TRIM43B: variants seen among roughly 807,000 people sequenced by gnomAD.
TRIM43B encodes the protein tripartite motif containing 43B.
TRIM43B carries 15 observed loss-of-function variants against 27.0 expected under a neutral mutation model. The observed-to-expected ratio is 0.55, with a 90% CI of 0.37 to 0.85. The LOEUF (loss-of-function observed/expected upper bound fraction) is 0.85. Ranked by LOEUF, TRIM43B falls within the 40% of genes least tolerant of loss-of-function variation. The pLI, the probability that TRIM43B is intolerant of heterozygous loss-of-function variation, is 0.00. For missense variants in TRIM43B, 172 were observed against 289.8 expected (o/e 0.59, Z 2.95); for synonymous variants, 69 against 97.8 (o/e 0.71, Z 1.74).
At chr2:95,484,203 T>C (rs1317908395) in intron 1 of TRIM43B, among the ~76,000 whole-genome samples, 1 of 151,524 alleles carries the variant, frequency 6.6e-6, no homozygotes, top group Non-Finnish European at 1.5e-5. Context: ...ACCCCGTCTC[T>C]ACTAAAAAAA....
At chr2:95,482,929 TGAC>T (rs1683562188) in intron 1 of TRIM43B, among the ~76,000 whole-genome samples, 2 of 152,120 alleles carry the variant, frequency 1.3e-5, no homozygotes, top group African/African-American at 4.8e-5. Flanking sequence ...AATCAACACA[TGAC>T]CAGCTTTCCA....
intron 4 of TRIM43B, 120 bp downstream of exon 4, chr2:95,480,185 G>C: frequency 7.0e-7 from 1 of 1,423,742 alleles, no homozygotes; most frequent in Non-Finnish European, 9.3e-7. Flanking sequence ...ATAACCGGTG[G>C]GAATGACTCT....
intron 2 of TRIM43B, among the ~76,000 whole-genome samples, 187 bp from the exon 3 acceptor site, chr2:95,481,877 GA>G (rs1683533519): frequency 6.6e-6 from 1 of 151,966 alleles, no homozygotes; most frequent in African/African-American, 2.4e-5. Context: ...ACAGTTTAGG[GA>G]ACTGAAGAGT....
intron 1 of TRIM43B, among the ~76,000 whole-genome samples, chr2:95,483,979 C>A (rs1444929192): frequency 6.6e-6 from 1 of 150,376 alleles, no homozygotes; most frequent in Non-Finnish European, 1.5e-5. Flanking sequence ...GAGGCCAAGT[C>A]AGGCAGGTAT....
intron 1 of TRIM43B, among the ~76,000 whole-genome samples, chr2:95,483,371 TC>T (rs1683572868): frequency 1.3e-5 from 2 of 152,164 alleles, no homozygotes; most frequent in African/African-American, 4.8e-5. Flanking sequence ...TGTTTCCTGT[TC>T]CTGGACAGTC....
Position 95,481,717 on chromosome 2 carries a change from A to G in TRIM43B, c.412-27T>C, listed in dbSNP as rs1305858708. On this transcript the variant is annotated intron_variant, in intron 2 of 6. Coordinates refer to ENST00000639673, the Ensembl canonical transcript of TRIM43B. ...TGCAAAAGAATTAAAGGTTGAACAG[A>G]AAGTCAAATACCAAAGATTCCACCA... 3.1e-6 allele frequency: 5 copies of G among 1,603,508 alleles called. 1 individual carries two copies. The South Asian group carries it at 3.4e-5, about 11-fold the overall frequency.
intron 2 of TRIM43B, 117 bp from the exon 3 acceptor site, chr2:95,481,807 A>G (rs1558814038): frequency 1.0e-6 from 1 of 957,074 alleles, no homozygotes; most frequent in African/African-American, 1.7e-5. Flanking sequence ...AGAAAAAAAC[A>G]AAATTTTTCA....
chr2:95,483,027 A>G (rs1297574054), intron 1 of TRIM43B, among the ~76,000 whole-genome samples: 1 of 152,098 alleles, frequency 6.6e-6, no homozygotes, highest in Non-Finnish European at 1.5e-5. Context: ...GGGTTTCATC[A>G]ACCTGTAAAC....
exon 4 of TRIM43B, chr2:95,480,487 G>A: frequency 6.2e-7 from 1 of 1,607,212 alleles, no homozygotes; most frequent in South Asian, 1.1e-5. Flanking sequence ...ACCGGATGCA[G>A]CTTCCTATAC....
Position 95,482,673 on chromosome 2 carries a change from G to C in TRIM43B, c.42C>G (p.Thr14=), listed in dbSNP as rs191840560. 0.029 allele frequency: 46,104 copies of C among 1,613,772 alleles called. 1,014 individuals are homozygous for C. The highest frequency in any genetic ancestry group is 0.033 in the Non-Finnish European group (39,239 of 1,179,900). The stretch of plus-strand genomic sequence containing the variant: ...CCAGGTAGTTCAAACAGATGACACA[G>C]GTGAGTTCCTTCTGGAAGGCATGTG... Residue 14 remains threonine (T), a synonymous_variant, in exon 2 of 7, where the codon ACC becomes ACG. Coordinates refer to ENST00000639673, the Ensembl canonical transcript of TRIM43B.
At chr2:95,480,793 A>AG (rs2104400369) in intron 3 of TRIM43B, among the ~76,000 whole-genome samples, 1 of 152,278 alleles carries the variant, frequency 6.6e-6, no homozygotes, top group East Asian at 1.9e-4. Flanking sequence ...TGATTGTTAC[A>AG]TTGTCATGGA....
chr2:95,481,248 C>G (rs1461037560), intron 3 of TRIM43B, among the ~76,000 whole-genome samples: 1 of 152,088 alleles, frequency 6.6e-6, no homozygotes, highest in Admixed American at 6.6e-5. Flanking sequence ...CACCCGATTT[C>G]TTCCCCCGGA....
Position 95,481,874 on chromosome 2 carries a change from A to T in TRIM43B, c.412-184T>A, listed in dbSNP as rs531187491. Among the ~76,000 whole-genome samples, 34 of 152,196 alleles carry T rather than the reference A, an allele frequency of 2.2e-4. No homozygotes were observed. In the South Asian group the frequency reaches 7.1e-3, roughly 32 times the overall value. On this transcript the variant is annotated intron_variant, in intron 2 of 6. Transcript: ENST00000639673. ...GAGGTTTCAGAATGTAGAACAGTTTAGGGAACTGAAGAGTGAAGATTTCCT... is the reference window on the plus strand; with the variant it reads ...GAGGTTTCAGAATGTAGAACAGTTTTGGGAACTGAAGAGTGAAGATTTCCT...
At chr2:95,482,794 C>T (rs1435118160) in intron 1 of TRIM43B, 76 bp from the exon 2 acceptor site, 33 of 1,535,150 alleles carry the variant, frequency 2.1e-5, no homozygotes, top group African/African-American at 5.6e-5. Context: ...TGAATCAGAT[C>T]GTGATCGAAT....
exon 4 of TRIM43B, chr2:95,480,526 C>T (rs1213544565): frequency 1.2e-6 from 2 of 1,608,666 alleles, no homozygotes; most frequent in South Asian, 1.1e-5. Context: ...GCCCGTAAAA[C>T]CACATCGCCC....
In TRIM43B at chr2:95,481,709, T is replaced by C. The variant is rs745830548; in HGVS notation, c.412-19A>G. 6.2e-6 allele frequency: 10 copies of C among 1,608,176 alleles called. 1 individual carries two copies. In the South Asian group the frequency reaches 1.1e-4, roughly 18 times the overall value. ...GTTTCTCCTGCAAAAGAATTAAAGG[T>C]TGAACAGAAAGTCAAATACCAAAGA... On this transcript the variant is annotated intron_variant, in intron 2 of 6. Coordinates refer to ENST00000639673, the Ensembl canonical transcript of TRIM43B.
intron 2 of TRIM43B, 107 bp from the exon 3 acceptor site, chr2:95,481,797 A>G (rs1683531929): frequency 8.7e-7 from 1 of 1,144,580 alleles, no homozygotes; most frequent in African/African-American, 1.6e-5. Flanking sequence ...TAGTGAGAGG[A>G]GAAAAAAACA....
At chr2:95,482,555 C>T (rs1437332018) in exon 2 of TRIM43B, 2 of 1,612,484 alleles carry the variant, frequency 1.2e-6, no homozygotes, top group Non-Finnish European at 1.7e-6. Context: ...TCCCTGCATG[C>T]AGGGCAGTTT....
At chr2:95,480,609 C>G (rs1480731015) in intron 3 of TRIM43B, 74 bp from the exon 4 acceptor site, 7 of 1,551,460 alleles carry the variant, frequency 4.5e-6, no homozygotes, top group Non-Finnish European at 3.5e-6. Flanking sequence ...ACTTCATCCT[C>G]CTCATTCCTT....
Sources: gnomAD v4.1 joint callset for allele counts (sites outside exome capture counted in the v4.1 genomes callset) on GRCh38, gnomAD v4.1.1 for gene constraint, MANE v1.5 for transcripts, NCBI Gene and HGNC (gene_info 2026-07-23, HGNC 2026-07-21) for gene names.